The following SIM2 variants were observed in gnomAD, a reference collection of about 807,000 sequenced individuals.
SIM2 encodes SIM bHLH transcription factor 2.
In SIM2, 28 loss-of-function variants were observed where a neutral mutation model predicts 64.8. The ratio of observed to expected loss-of-function variants is 0.43; its 90% CI spans 0.32 to 0.59. The LOEUF is 0.59. SIM2 is among the 20% of genes least tolerant of loss of function. The pLI is 0.07. For synonymous variants in SIM2, 408 were observed against 391.1 expected, an observed-to-expected ratio of 1.04 and a Z score of -0.51; for missense variants, 847 against 871.4, an observed-to-expected ratio of 0.97 and a Z score of 0.35.
intron 3 of SIM2, among the ~76,000 whole-genome samples, chr21:36,719,516 C>T (rs947419107): frequency 2.6e-5 from 4 of 152,148 alleles, no homozygotes; most frequent in Admixed American, 2.0e-4. Context: ...AGGCCAGCAG[C>T]GCCGCCCACC....
At chr21:36,713,712 G>A (rs577423631) in intron 3 of SIM2, among the ~76,000 whole-genome samples, 1 of 152,264 alleles carries the variant, frequency 6.6e-6, no homozygotes, top group South Asian at 2.1e-4. Flanking sequence ...ACTGCATCTG[G>A]TGTATTCCTT....
intron 5 of SIM2, 40 bp downstream of exon 5, chr21:36,723,170 G>A: frequency 6.6e-7 from 1 of 1,513,968 alleles, no homozygotes; most frequent in East Asian, 2.3e-5. Context: ...CTGGCTAAGG[G>A]TCTTCAATGT....
intron 6 of SIM2, 95 bp from the exon 7 acceptor site, chr21:36,730,949 CT>C: frequency 2.4e-6 from 2 of 837,724 alleles, no homozygotes; most frequent in Non-Finnish European, 4.0e-6. Flanking sequence ...CCGCCTGAGC[CT>C]TTTAGCACTT....
chr21:36,737,970 A>AAAAAAAAAAAAAAAAAAAAAAAAAAAAT, intron 7 of SIM2, among the ~76,000 whole-genome samples: 1 of 123,478 alleles, frequency 8.1e-6, no homozygotes, highest in Non-Finnish European at 2.0e-5. Context: ...TCAAAAAAAA[A>AAAAAAAAAAAAAAAAAAAAAAAAAAAAT]AAAAAAAAAA....
At chr21:36,742,500 C>T (rs576974033) in intron 8 of SIM2, among the ~76,000 whole-genome samples, 1 of 152,050 alleles carries the variant, frequency 6.6e-6, no homozygotes, top group Non-Finnish European at 1.5e-5. Flanking sequence ...TCAAGTGATC[C>T]TCCCACCTCG....
At chr21:36,707,609 T>A (rs1050894089) in intron 1 of SIM2, among the ~76,000 whole-genome samples, 2 of 151,892 alleles carry the variant, frequency 1.3e-5, no homozygotes, top group Non-Finnish European at 2.9e-5. Flanking sequence ...TTTTTTTTTT[T>A]AGGTTTTTAG....
chr21:36,706,725 G>A (rs1209684756), intron 1 of SIM2, among the ~76,000 whole-genome samples: 1 of 152,152 alleles, frequency 6.6e-6, no homozygotes, highest in Non-Finnish European at 1.5e-5. Context: ...GCAGCGCCAC[G>A]GCCCCGGGTG....
chr21:36,743,115 C>T (rs1417560291), intron 8 of SIM2, among the ~76,000 whole-genome samples: 1 of 152,188 alleles, frequency 6.6e-6, no homozygotes, highest in Non-Finnish European at 1.5e-5. Flanking sequence ...TTCCTCATGG[C>T]CCACGACCTC....
intron 1 of SIM2, 101 bp from the exon 2 acceptor site, chr21:36,709,067 G>T: frequency 1.0e-6 from 1 of 1,001,384 alleles, no homozygotes; most frequent in Non-Finnish European, 1.4e-6. Context: ...GGGACTCGTG[G>T]GGAGGGCTGG....
chr21:36,699,918 G>A lies in SIM2; in HGVS notation c.172G>A (p.Glu58Lys). Residue 58 changes from glutamate to lysine, a missense_variant, in exon 1 of 11, where the codon GAA (glutamate) becomes AAA (lysine). Glu to Lys is a moderately conservative substitution (Grantham distance 56). Transcript: ENST00000290399. The surrounding 1 kb of genome is among the most constrained non-coding windows in gnomAD (Gnocchi z 5.6). ...SYLKMRAVFP[E>K]GLGDAWGQPS... ...CCTGAAGATGCGCGCCGTCTTCCCC[G>A]AAGGTGAGGCCTCAGGTGGGCGGCC... 2 of 1,597,972 alleles carry A rather than the reference G, an allele frequency of 1.3e-6. No homozygotes were observed. The highest frequency in any genetic ancestry group is 1.1e-5 in the South Asian group (1 of 88,286).
chr21:36,740,271 C>A (rs1319436882), intron 7 of SIM2, among the ~76,000 whole-genome samples: 1 of 152,094 alleles, frequency 6.6e-6, no homozygotes, highest in Non-Finnish European at 1.5e-5. Context: ...GCCCCTGGCA[C>A]CCACTCATTT....
At chr21:36,706,573 TG>T (rs2088586707) in intron 1 of SIM2, among the ~76,000 whole-genome samples, 1 of 152,244 alleles carries the variant, frequency 6.6e-6, no homozygotes. Context: ...CTCACTTTCG[TG>T]GGAGTGTATA....
chr21:36,705,340 G>A (rs2088565110), intron 1 of SIM2, among the ~76,000 whole-genome samples: 1 of 152,236 alleles, frequency 6.6e-6, no homozygotes, highest in Admixed American at 6.5e-5. Flanking sequence ...CAATCCGAAA[G>A]TGAGACCTTG....
Position 36,719,680 on chromosome 21 carries a change from G to A in SIM2, c.349-141G>A, listed in dbSNP as rs116588568. On this transcript the variant is annotated intron_variant, in intron 3 of 10. Transcript: ENST00000290399. ...CTGTTGAGAAAAGAAAACTGTTTCT[G>A]CGTTTGGCAAAGGTGTGGGTTGTCA... is the stretch of plus-strand genomic sequence containing the variant. 496 of 626,590 alleles carry A rather than the reference G, an allele frequency of 7.9e-4. 3 individuals carry two copies. In the African/African-American group the frequency reaches 8.2e-3, roughly 10 times the overall value. The allele number at this position is 626,590 out of a possible 1,614,324, so 38.8% of individuals were successfully genotyped here. A position where few individuals can be genotyped will look rare whatever the true frequency, so the allele number is the denominator to read the frequency against.
Position 36,748,089 on chromosome 21 carries a change from G to A in SIM2, c.2001G>A (p.Arg667=), listed in dbSNP as rs2089259517. 1.7e-6 allele frequency: 2 copies of A among 1,202,276 alleles called. No homozygotes were observed. Among genetic ancestry groups the A allele is most frequent in the African/African-American group, 3.2e-5 (2 of 63,158 alleles). The allele number at this position is 1,202,276 out of a possible 1,614,324, so 74.5% of individuals were successfully genotyped here. A position where few individuals can be genotyped will look rare whatever the true frequency, so the allele number is the denominator to read the frequency against. The change falls in exon 11 of 11, where the codon AGG becomes AGA. Residue 667 remains arginine (R), a synonymous_variant. Coordinates refer to ENST00000290399, the MANE Select transcript of SIM2 (RefSeq NM_005069.6). ...CCTCGGTCATCATCACCAACGGGAG[G>A]TGACCCGCTGGCCGCCCGCGCCAGG... The part of the protein sequence containing the change: ...LGASVIITNG[R]
intron 9 of SIM2, among the ~76,000 whole-genome samples, chr21:36,744,212 AC>A (rs2089198573): frequency 2.6e-5 from 4 of 152,094 alleles, no homozygotes; most frequent in Admixed American, 2.6e-4. Context: ...AGCCTGGGTG[AC>A]AGAGCAAGAC....
chr21:36,747,841 A>AC lies in SIM2; in HGVS notation c.1758dup (p.Glu587ArgfsTer112). The AC allele has an allele frequency of 9.7e-7, 1 of 1,034,094 alleles. No homozygotes were observed. The highest frequency in any genetic ancestry group is 1.0e-4 in the East Asian group (1 of 9,718). 64.1% of individuals were successfully genotyped at this position (1,034,094 alleles called of 1,614,324 possible). On this transcript the variant is annotated frameshift_variant, in exon 11 of 11. Coordinates refer to ENST00000290399, the MANE Select transcript of SIM2 (RefSeq NM_005069.6). LOFTEE classifies it high-confidence loss of function. This position sits in a 1 kb window ranked among gnomAD's most constrained non-coding sequence, Gnocchi z 4.5. ...GGCACCCGAGTGCTGCGCGCCCCCG[A>AC]CCCCCGAGGCCCCGGGCGCGCCGGC... is the stretch of plus-strand genomic sequence containing the variant.
intron 7 of SIM2, among the ~76,000 whole-genome samples, chr21:36,736,237 A>C (rs1214621577): frequency 1.3e-5 from 2 of 152,038 alleles, no homozygotes; most frequent in Admixed American, 6.5e-5. Flanking sequence ...CACCGAGAGC[A>C]GGAACAAAGC....
At chr21:36,701,115 T>G (rs1020395017) in intron 1 of SIM2, among the ~76,000 whole-genome samples, 1 of 152,318 alleles carries the variant, frequency 6.6e-6, no homozygotes, top group Non-Finnish European at 1.5e-5. Flanking sequence ...GGAGGCGCGC[T>G]GCTCAGGGTT....
Sources: gnomAD v4.1 joint callset for allele counts (sites outside exome capture counted in the v4.1 genomes callset) on GRCh38, gnomAD v4.1.1 for gene constraint, Gnocchi (gnomAD v3.1) non-coding constraint, MANE v1.5 for transcripts, NCBI Gene and HGNC (gene_info 2026-07-23, HGNC 2026-07-21) for gene names.